CALN1: variants seen among roughly 807,000 people sequenced by gnomAD.
CALN1 encodes calneuron 1.
CALN1 carries 17 observed loss-of-function variants against 30.6 expected under a neutral mutation model. That is an observed-to-expected ratio of 0.56 (90% CI 0.38 to 0.83). The LOEUF is 0.83. CALN1 is among the 40% of genes least tolerant of loss of function. The pLI is 0.00. For missense variants in CALN1, 291 were observed against 354.9 expected, an observed-to-expected ratio of 0.82 and a Z score of 1.45; for synonymous variants, 156 against 131.4, an observed-to-expected ratio of 1.19 and a Z score of -1.28.
intron 2 of CALN1, among the ~76,000 whole-genome samples, chr7:72,317,791 A>G (rs1800588917): frequency 6.6e-6 from 1 of 152,222 alleles, no homozygotes; most frequent in Non-Finnish European, 1.5e-5. Context: ...AAGAGACACC[A>G]GCATGACACC....
At chr7:72,324,197 A>G (rs1449712101) in intron 2 of CALN1, among the ~76,000 whole-genome samples, 4 of 152,142 alleles carry the variant, frequency 2.6e-5, no homozygotes, top group Non-Finnish European at 4.4e-5. Context: ...GAGCATTGGA[A>G]TTTTTAAGCC....
intron 5 of CALN1, among the ~76,000 whole-genome samples, chr7:71,999,847 A>G (rs1799439822): frequency 6.6e-6 from 1 of 152,100 alleles, no homozygotes. Context: ...CGGAACATTC[A>G]CCAAGACAGA....
chr7:72,074,104 G>A (rs993879296), intron 4 of CALN1, among the ~76,000 whole-genome samples: 3 of 152,124 alleles, frequency 2.0e-5, no homozygotes, highest in African/African-American at 7.2e-5. Flanking sequence ...ACTAACCATC[G>A]TATAGCAGGT....
chr7:71,918,924 T>C (rs1441955397), intron 5 of CALN1, among the ~76,000 whole-genome samples: 3 of 152,264 alleles, frequency 2.0e-5, no homozygotes, highest in Non-Finnish European at 4.4e-5. Flanking sequence ...ACATGCTTTA[T>C]GGTTTGCCAT....
chr7:71,814,833 ACT>A (rs1788164558), intron 5 of CALN1, among the ~76,000 whole-genome samples: 2 of 143,390 alleles, frequency 1.4e-5, no homozygotes, highest in East Asian at 5.0e-4. Context: ...GAGTTAATCA[ACT>A]TTTTTTTTTT....
chr7:71,803,863 G>C (rs1245264828), intron 6 of CALN1, among the ~76,000 whole-genome samples: 2 of 151,982 alleles, frequency 1.3e-5, no homozygotes, highest in South Asian at 2.1e-4. Flanking sequence ...AAAGGGTGAT[G>C]CTTCCATATG....
chr7:72,195,302 T>C (rs1790907726), intron 3 of CALN1, among the ~76,000 whole-genome samples: 1 of 152,218 alleles, frequency 6.6e-6, no homozygotes, highest in African/African-American at 2.4e-5. Context: ...TGGGCTTCCA[T>C]TATTTAAATT....
chr7:72,208,596 C>T (rs1180778390), intron 3 of CALN1, among the ~76,000 whole-genome samples: 1 of 152,160 alleles, frequency 6.6e-6, no homozygotes, highest in Non-Finnish European at 1.5e-5. Context: ...GTGGTTCCAC[C>T]TGGGTGGCAG....
At chr7:72,285,581 C>T (rs1020161713) in intron 2 of CALN1, among the ~76,000 whole-genome samples, 5 of 151,818 alleles carry the variant, frequency 3.3e-5, no homozygotes, top group African/African-American at 1.2e-4. Flanking sequence ...TACAAATGAC[C>T]GAAACTAAAA....
intron 6 of CALN1, among the ~76,000 whole-genome samples, chr7:71,788,451 G>A (rs932193428): frequency 6.7e-6 from 1 of 150,258 alleles, no homozygotes; most frequent in Non-Finnish European, 1.5e-5. Context: ...GGGGTCGTTG[G>A]ACAAGCAGCA....
intron 3 of CALN1, among the ~76,000 whole-genome samples, chr7:72,205,181 T>A (rs562517937): frequency 6.6e-6 from 1 of 151,980 alleles, no homozygotes; most frequent in Admixed American, 6.6e-5. Flanking sequence ...TTTCCTCAGT[T>A]TTTTTGTTTT....
intron 5 of CALN1, among the ~76,000 whole-genome samples, chr7:71,946,650 C>A (rs1796420673): frequency 6.6e-6 from 1 of 151,198 alleles, no homozygotes; most frequent in South Asian, 2.1e-4. Flanking sequence ...GTGTGAGCCA[C>A]CATGCCTAGA....
intron 1 of CALN1, among the ~76,000 whole-genome samples, chr7:72,409,479 G>A (rs1276526656): frequency 6.8e-6 from 1 of 148,134 alleles, no homozygotes; most frequent in Non-Finnish European, 1.5e-5. Flanking sequence ...TGAGGAAGGA[G>A]GCATATGGAT....
At chr7:71,998,187 T>C (rs1799346877) in intron 5 of CALN1, among the ~76,000 whole-genome samples, 1 of 152,116 alleles carries the variant, frequency 6.6e-6, no homozygotes, top group Non-Finnish European at 1.5e-5. Context: ...AAAAACATTC[T>C]TGGATAAAGA....
At chr7:72,170,806 C>T (rs1322231938) in intron 3 of CALN1, among the ~76,000 whole-genome samples, 1 of 152,142 alleles carries the variant, frequency 6.6e-6, no homozygotes, top group South Asian at 2.1e-4. Flanking sequence ...TTGAATTAAG[C>T]ACTAGAAACT....
chr7:72,278,011 G>GT (rs1554348507), intron 3 of CALN1, among the ~76,000 whole-genome samples: 1 of 113,838 alleles, frequency 8.8e-6, no homozygotes, highest in African/African-American at 3.6e-5. Context: ...TCTATTCCGG[G>GT]GGGGGGGGAC....
At chr7:72,397,184 T>G (rs1585656702) in intron 2 of CALN1, among the ~76,000 whole-genome samples, 1 of 152,086 alleles carries the variant, frequency 6.6e-6, no homozygotes, top group East Asian at 1.9e-4. Flanking sequence ...GTGCTGGGAT[T>G]ACAATCATAA....
intron 6 of CALN1, among the ~76,000 whole-genome samples, chr7:71,804,830 C>T (rs750414330): frequency 9.2e-5 from 14 of 152,038 alleles, no homozygotes; most frequent in Non-Finnish European, 1.6e-4. Context: ...GACGTGGTGG[C>T]GCATGCTTGT....
intron 2 of CALN1, among the ~76,000 whole-genome samples, chr7:72,348,626 T>C (rs539013664): frequency 6.6e-5 from 10 of 152,306 alleles, no homozygotes; most frequent in South Asian, 2.1e-4. Flanking sequence ...AACTGGAAAA[T>C]AGGCAAGTTC....
Sources: allele counts gnomAD v4.1 joint callset (sites outside exome capture counted in the v4.1 genomes callset), GRCh38; gene constraint gnomAD v4.1.1; transcripts MANE v1.5; gene names NCBI Gene and HGNC (gene_info 2026-07-23, HGNC 2026-07-21).